The following RAPGEF5 variants were observed in gnomAD, a reference collection of about 807,000 sequenced individuals.
RAPGEF5 encodes the protein Rap guanine nucleotide exchange factor 5.
RAPGEF5 carries 65 observed loss-of-function variants against 125.2 expected under a neutral mutation model. The ratio of observed to expected loss-of-function variants is 0.52; its 90% CI spans 0.43 to 0.64. The LOEUF (loss-of-function observed/expected upper bound fraction) is 0.64. Among genes scored for constraint, RAPGEF5 ranks in the 30% least tolerant of loss-of-function variants. The pLI, the probability that RAPGEF5 is intolerant of heterozygous loss-of-function variation, is 0.00. For missense variants in RAPGEF5, 958 were observed against 1,048.1 expected (o/e 0.91, Z 1.19); for synonymous variants, 391 against 385.9 (o/e 1.01, Z -0.16).
At chr7:22,349,314 C>T (rs1328599352) in intron 1 of RAPGEF5, among the ~76,000 whole-genome samples, 1 of 150,436 alleles carries the variant, frequency 6.6e-6, no homozygotes, top group Non-Finnish European at 1.5e-5. Flanking sequence ...ATCCCAGCTA[C>T]TCAGGAGGCT....
At chr7:22,348,615 G>A (rs150053145) in intron 1 of RAPGEF5, among the ~76,000 whole-genome samples, 1 of 152,322 alleles carries the variant, frequency 6.6e-6, no homozygotes, top group Non-Finnish European at 1.5e-5. Context: ...CCAATGGCTG[G>A]TATTGCTGGG....
chr7:22,300,782 A>G (rs768648909), intron 5 of RAPGEF5, among the ~76,000 whole-genome samples: 1 of 152,182 alleles, frequency 6.6e-6, no homozygotes, highest in African/African-American at 2.4e-5. Flanking sequence ...CTGCACTGCC[A>G]CCACCACAGA....
intron 23 of RAPGEF5, among the ~76,000 whole-genome samples, chr7:22,133,573 C>T (rs142905222): frequency 8.2e-4 from 125 of 152,234 alleles, no homozygotes; most frequent in African/African-American, 2.1e-3. Flanking sequence ...GAGGAAGAAA[C>T]ATCCAAGAGT....
At chr7:22,124,605 T>C (rs1338302940) in intron 25 of RAPGEF5, among the ~76,000 whole-genome samples, 3 of 152,242 alleles carry the variant, frequency 2.0e-5, no homozygotes, top group African/African-American at 7.2e-5. Flanking sequence ...TTGTTAGCAG[T>C]ACTTTTCTTG....
At chr7:22,344,128 T>C (rs1358076957) in intron 1 of RAPGEF5, among the ~76,000 whole-genome samples, 1 of 152,076 alleles carries the variant, frequency 6.6e-6, no homozygotes, top group Non-Finnish European at 1.5e-5. Flanking sequence ...GGCCAGGCCT[T>C]CCCTTGCCTC....
At chr7:22,177,642 T>C (rs1784549782) in intron 11 of RAPGEF5, among the ~76,000 whole-genome samples, 1 of 152,240 alleles carries the variant, frequency 6.6e-6, no homozygotes, top group South Asian at 2.1e-4. Context: ...CTAAGGGCTT[T>C]ACCTACATGG....
At chr7:22,319,622 A>T (rs530130394) in intron 1 of RAPGEF5, among the ~76,000 whole-genome samples, 2 of 152,338 alleles carry the variant, frequency 1.3e-5, no homozygotes, top group Non-Finnish European at 2.9e-5. Flanking sequence ...TATGTAATAT[A>T]GTCCCTTATT....
chr7:22,191,627 C>T (rs1309947705), intron 11 of RAPGEF5: 4 of 470,510 alleles, frequency 8.5e-6, no homozygotes, highest in Non-Finnish European at 1.8e-5. Context: ...ACATGTGATC[C>T]CAGGGGTTGG....
In RAPGEF5 at chr7:22,122,466, A is replaced by G; in HGVS notation, c.2592T>C (p.Tyr864=). The G allele has an allele frequency of 6.2e-7, 1 of 1,613,976 alleles. No individual in the cohort carries two copies. Among genetic ancestry groups the G allele is most frequent in the Non-Finnish European group, 8.5e-7 (1 of 1,179,864 alleles). The part of the protein sequence containing the change: ...QELKSYVNHL[Y]VIDSQQALFE... ...ACAGAGCCTGCTGGCTGTCAATGAC[A>G]TACAGGTGATTAACATAGGACTTTA... The change falls in exon 26 of 26, where the codon TAT becomes TAC. Residue 864 remains tyrosine (Y), a synonymous_variant. Coordinates refer to ENST00000665637, the MANE Select transcript of RAPGEF5 (RefSeq NM_012294.5).
intron 3 of RAPGEF5, 73 bp downstream of exon 3, chr7:22,315,297 T>A: frequency 1.3e-6 from 2 of 1,491,432 alleles, no homozygotes; most frequent in Non-Finnish European, 1.8e-6. Flanking sequence ...TTGATCAAGG[T>A]TACAATTTTA....
intron 8 of RAPGEF5, among the ~76,000 whole-genome samples, chr7:22,221,567 T>C (rs1785790289): frequency 6.6e-6 from 1 of 152,108 alleles, no homozygotes; most frequent in Non-Finnish European, 1.5e-5. Flanking sequence ...CAGGTAGAGG[T>C]AATTTAATCA....
intron 1 of RAPGEF5, among the ~76,000 whole-genome samples, chr7:22,337,636 C>T (rs1784050625): frequency 6.6e-6 from 1 of 152,174 alleles, no homozygotes; most frequent in Non-Finnish European, 1.5e-5. Flanking sequence ...CCCGGAATGA[C>T]CCAGGGCAGT....
chr7:22,344,569 G>T (rs1329107601), intron 1 of RAPGEF5, among the ~76,000 whole-genome samples: 2 of 152,138 alleles, frequency 1.3e-5, no homozygotes, highest in African/African-American at 2.4e-5. Flanking sequence ...CTGGCCTCTT[G>T]CTCCTCCTGA....
intron 20 of RAPGEF5, among the ~76,000 whole-genome samples, chr7:22,144,760 T>C (rs117263504): frequency 0.02 from 2,971 of 152,318 alleles, 40 homozygotes; most frequent in Non-Finnish European, 0.032. Flanking sequence ...AGACACACTG[T>C]AGTTCAGCTG....
chr7:22,194,004 A>T lies in RAPGEF5; in HGVS notation c.1026T>A (p.Val342=). Residue 342 remains valine, a synonymous_variant, in exon 10 of 26, where the codon GTT becomes GTA. Coordinates refer to ENST00000665637, the MANE Select transcript of RAPGEF5 (RefSeq NM_012294.5). ...CCAGGACGCTCTGGTCTTGCTCTTT[A>T]ACCTGAACAGTCGTCACTTCATCAT... ...HQDDEVTTVQ[V]KEQDQSVLVL... is the part of the protein sequence containing the mutation. 6.2e-7 allele frequency: 1 copy of T among 1,613,932 alleles called. No individual in the cohort carries two copies. The highest frequency in any genetic ancestry group is 1.1e-5 in the South Asian group (1 of 91,068).
chr7:22,206,560 G>T (rs997138653), intron 9 of RAPGEF5, among the ~76,000 whole-genome samples: 1 of 151,690 alleles, frequency 6.6e-6, no homozygotes, highest in African/African-American at 2.4e-5. Flanking sequence ...AAAATTAGCT[G>T]GGCGTGGTAG....
At chr7:22,257,551 G>A (rs1482616069) in intron 7 of RAPGEF5, among the ~76,000 whole-genome samples, 4 of 152,162 alleles carry the variant, frequency 2.6e-5, no homozygotes, top group African/African-American at 9.7e-5. Flanking sequence ...TGCCCAGCTA[G>A]GGTTTGATAA....
chr7:22,335,507 T>C (rs1285707480), intron 1 of RAPGEF5, among the ~76,000 whole-genome samples: 1 of 151,560 alleles, frequency 6.6e-6, no homozygotes, highest in Non-Finnish European at 1.5e-5. Flanking sequence ...CCATGCTGAC[T>C]GGGCAATGAA....
intron 1 of RAPGEF5, among the ~76,000 whole-genome samples, chr7:22,345,696 C>CTT (rs60654602): frequency 9.1e-4 from 97 of 106,618 alleles, no homozygotes; most frequent in Non-Finnish European, 1.2e-3. Context: ...GTCTAGGCAG[C>CTT]TTTTTTTTTT....
Sources: gnomAD v4.1 joint callset for allele counts (sites outside exome capture counted in the v4.1 genomes callset) on GRCh38, gnomAD v4.1.1 for gene constraint, MANE v1.5 for transcripts, NCBI Gene and HGNC (gene_info 2026-07-23, HGNC 2026-07-21) for gene names.